ODAD3: variants seen among roughly 807,000 people sequenced by gnomAD.
The protein encoded by ODAD3 is outer dynein arm docking complex subunit 3.
A neutral mutation model predicts 70.9 loss-of-function variants in ODAD3; 57 were observed. The ratio of observed to expected loss-of-function variants is 0.80; its 90% CI spans 0.65 to 1.00. ODAD3 has a LOEUF of 1.00. ODAD3 is among the 50% of genes least tolerant of loss of function. The probability of loss-of-function intolerance (pLI) is 0.00; values close to 1 mark genes in which losing one functional copy is unlikely to be tolerated. For synonymous variants in ODAD3, 327 were observed against 315.9 expected, an observed-to-expected ratio of 1.04 and a Z score of -0.37; for missense variants, 797 against 763.9, an observed-to-expected ratio of 1.04 and a Z score of -0.51.
chr19:11,430,443 G>GTTT, intron 3 of ODAD3: 6 of 449,558 alleles, frequency 1.3e-5, no homozygotes, highest in Admixed American at 7.6e-5. Context: ...TGGCTGTGAT[G>GTTT]TTTTTTTTTT....
In ODAD3 at chr19:11,430,701, G is replaced by C. The variant is rs200075873; in HGVS notation, c.442C>G (p.Gln148Glu). ...AGGTGGGGCGAGGGTGGGCAAACCT[G>C]TCCTGTCCTGTTCTTCAGGTATGGC... Reference protein sequence around the residue: ...EKPYLKNRTGQALEHLDHRLR... With the variant: ...EKPYLKNRTGEALEHLDHRLR... Residue 148 changes from glutamine to glutamate, a missense_variant and splice_region_variant, in exon 3 of 13, where the codon CAG (glutamine) becomes GAG (glutamate). Coordinates refer to ENST00000356392, the MANE Select transcript of ODAD3 (RefSeq NM_145045.5). 1.9e-6 allele frequency: 3 copies of C among 1,614,060 alleles called. No individual in the cohort carries two copies. In the African/African-American group the frequency reaches 4.0e-5, roughly 22 times the overall value.
chr19:11,430,206 C>G lies in ODAD3; in HGVS notation c.444+493G>C, dbSNP rs185523444. Reference sequence around the variant, plus strand: ...AGGCTGGAGTGTAATGGCACAATCTCGGCTCACTGCAACCTCTGCCTCCCG... The same window carrying G: ...AGGCTGGAGTGTAATGGCACAATCTGGGCTCACTGCAACCTCTGCCTCCCG... On this transcript the variant is annotated intron_variant, in intron 3 of 12. Coordinates refer to ENST00000356392, the MANE Select transcript of ODAD3 (RefSeq NM_145045.5). Among the ~76,000 whole-genome samples, 15 of 152,116 alleles carry G rather than the reference C, an allele frequency of 9.9e-5. No individual in the cohort carries two copies. The South Asian group carries it at 3.1e-3, about 32-fold the overall frequency.
In ODAD3 at chr19:11,426,706, G is replaced by A. The variant is rs562244401; in HGVS notation, c.691C>T (p.Leu231=). Residue 231 remains leucine, a synonymous_variant, in exon 5 of 13, where the codon CTG becomes TTG. Coordinates refer to ENST00000356392, the MANE Select transcript of ODAD3 (RefSeq NM_145045.5). ...ACCATTAGATAGGCCTTGAGCTGCA[G>A]GTACACGCTGGTAATGTGCTCGGCC... ...QEAEHITSVY[L]QLKAYLMDES... 3 of 1,613,886 alleles carry A rather than the reference G, an allele frequency of 1.9e-6. No homozygotes were observed. Among genetic ancestry groups the A allele is most frequent in the South Asian group, 2.2e-5 (2 of 91,054 alleles).
At chr19:11,435,318 C>T (rs191719282), upstream of ODAD3, 6 of 714,250 alleles carry the variant, frequency 8.4e-6, no homozygotes, top group African/African-American at 5.4e-5. Flanking sequence ...AGGGTCTGGA[C>T]ACTTTGGGGT....
chr19:11,430,912 A>G lies in ODAD3; in HGVS notation c.353T>C (p.Leu118Pro). 2 of 1,614,052 alleles carry G rather than the reference A, an allele frequency of 1.2e-6. No homozygotes were observed. The highest frequency in any genetic ancestry group is 1.7e-6 in the Non-Finnish European group (2 of 1,180,000). Residue 118 changes from leucine (L) to proline (P), a missense_variant, in exon 2 of 13, where the codon CTG becomes CCG. Leu to Pro is a moderately conservative substitution (Grantham distance 98). Transcript: ENST00000356392. ...TTTGCCCCTTACCTTGAGCAGGTCC[A>G]GCAGCTTTAGTTCCAGTGCCTTAGT... ...KETKALELKL[L>P]DLLKGDEKVV...
chr19:11,421,788 A>G lies in ODAD3; in HGVS notation c.1479T>C (p.Asp493=), dbSNP rs754336978. The part of the protein sequence containing the change: ...FAGKELDPQA[D]NYVPNLLGLV... ...GGCCCAGCAGGTTTGGCACATAGTT[A>G]TCTGCCTGGGGATCCAGCTCCTTTC... Residue 493 remains aspartate, a synonymous_variant, in exon 11 of 13, where the codon GAT becomes GAC. Transcript: ENST00000356392. 6.2e-7 allele frequency: 1 copy of G among 1,613,258 alleles called. No homozygotes were observed. Among genetic ancestry groups the G allele is most frequent in the Non-Finnish European group, 8.5e-7 (1 of 1,179,952 alleles).
rs755774292 is a variant in ODAD3, at chr19:11,426,878, C to G, written c.607G>C (p.Ala203Pro). 6.2e-5 allele frequency: 99 copies of G among 1,609,196 alleles called. No homozygotes were observed. The highest frequency in any genetic ancestry group is 2.2e-4 in the Admixed American group (13 of 59,848). Residue 203 changes from alanine to proline, a missense_variant, in exon 4 of 13, where the codon GCC becomes CCC. By Grantham distance (27) the Ala-to-Pro change is conservative. Coordinates refer to ENST00000356392, the MANE Select transcript of ODAD3 (RefSeq NM_145045.5). ...AEAQNRHTEVAKTMRNLENRL... is the reference protein window; with the variant it reads ...AEAQNRHTEVPKTMRNLENRL... Reference sequence around the variant, plus strand: ...CAGGCCTCACCCGCCCCTACCTTGGCCACCTCCGTGTGTCTGTTTTGCGCC... The same window carrying G: ...CAGGCCTCACCCGCCCCTACCTTGGGCACCTCCGTGTGTCTGTTTTGCGCC...
At chr19:11,428,763 G>A (rs770977670) in intron 3 of ODAD3, among the ~76,000 whole-genome samples, 6 of 151,992 alleles carry the variant, frequency 3.9e-5, no homozygotes, top group Non-Finnish European at 7.4e-5. Context: ...TTGGCAGGCT[G>A]GTCTCAAACT....
rs753473149 is a variant in ODAD3, at chr19:11,422,584, CCTT to C, written c.1318_1320del (p.Lys440del). ...TTGGCCTCGGCGTGCCGCCGCTCCT[CCTT>C]CTTGAGACGCTCCTGCGCCTCGGCT... On this transcript the variant is annotated inframe_deletion, in exon 10 of 13. Transcript: ENST00000356392. This position sits in a 1 kb window ranked among gnomAD's most constrained non-coding sequence, Gnocchi z 4.6. 21 of 1,594,914 alleles carry C rather than the reference CCTT, an allele frequency of 1.3e-5. No homozygotes were observed. The highest frequency in any genetic ancestry group is 1.6e-5 in the Non-Finnish European group (19 of 1,173,088).
intron 8 of ODAD3, among the ~76,000 whole-genome samples, chr19:11,423,398 G>T (rs757724012): frequency 1.3e-5 from 2 of 152,094 alleles, no homozygotes; most frequent in African/African-American, 4.8e-5. Flanking sequence ...GTTCACCGGC[G>T]GGAACCAGGA....
chr19:11,424,969 A>ATGTATATATGTGTATATGTACATATG, intron 7 of ODAD3, among the ~76,000 whole-genome samples: 1 of 127,626 alleles, frequency 7.8e-6, no homozygotes, highest in African/African-American at 3.6e-5. Flanking sequence ...ATGTGTATAT[A>ATGTATATATGTGTATATGTACATATG]TGTATATATG....
rs1969113997 is a variant in ODAD3, at chr19:11,420,858, G to A, written c.1765C>T (p.His589Tyr). The A allele has an allele frequency of 2.5e-6, 4 of 1,613,910 alleles. No homozygotes were observed. In the African/African-American group the frequency reaches 4.0e-5, roughly 16 times the overall value. The change falls in exon 13 of 13, where the codon CAC becomes TAC. Residue 589 changes from histidine (H) to tyrosine (Y), a missense_variant. Physicochemically the swap from His to Tyr is moderately conservative, Grantham distance 83. Coordinates refer to ENST00000356392, the MANE Select transcript of ODAD3 (RefSeq NM_145045.5). ...GTCTAGGACCTCCGAGAGCGACGGT[G>A]CTTCTTGTGACTTTCGATTAATTTC... Reference protein sequence around the residue: ...SQKLIESHKKHRRSRRS With the variant: ...SQKLIESHKKYRRSRRS
chr19:11,422,417 G>A lies in ODAD3; in HGVS notation c.1434+54C>T. ...GTGGCAGGAACCCCGCTTCGTGGCT[G>A]CGCCTCTGCGGTCCCAGGAGGGCCT... is the stretch of plus-strand genomic sequence containing the variant. On this transcript the variant is annotated intron_variant, in intron 10 of 12. Coordinates refer to ENST00000356392, the MANE Select transcript of ODAD3 (RefSeq NM_145045.5). The surrounding 1 kb of genome is among the most constrained non-coding windows in gnomAD (Gnocchi z 4.6). 2 of 1,471,636 alleles carry A rather than the reference G, an allele frequency of 1.4e-6. No homozygotes were observed. Among genetic ancestry groups the A allele is most frequent in the Non-Finnish European group, 1.8e-6 (2 of 1,107,494 alleles). The allele number at this position is 1,471,636 out of a possible 1,614,324, so 91.2% of individuals were successfully genotyped here.
intron 7 of ODAD3, among the ~76,000 whole-genome samples, chr19:11,424,976 T>TGTAC (rs1459916663): frequency 5.3e-5 from 7 of 131,688 alleles, no homozygotes; most frequent in Non-Finnish European, 4.7e-5. Flanking sequence ...TATATGTATA[T>TGTAC]ATGTGTATAT....
At chr19:11,425,547 G>GTA in intron 7 of ODAD3, among the ~76,000 whole-genome samples, 1 of 119,736 alleles carries the variant, frequency 8.4e-6, no homozygotes, top group South Asian at 2.3e-4. Context: ...GTGTATGTAT[G>GTA]TATATATGTA....
rs747018917 is a variant in ODAD3, at chr19:11,421,816, G to A, written c.1451C>T (p.Ala484Val). The change falls in exon 11 of 13, where the codon GCG becomes GTG. Residue 484 changes from alanine to valine, a missense_variant. By Grantham distance (64) the Ala-to-Val change is moderately conservative (BLOSUM62 0). Coordinates refer to ENST00000356392, the MANE Select transcript of ODAD3 (RefSeq NM_145045.5). ...IHITVEDGRF[A>V]GKELDPQADN... The stretch of plus-strand genomic sequence containing the variant: ...TGCCTGGGGATCCAGCTCCTTTCCC[G>A]CGAAGCGGCCGTCCTCCTGCGGCCA... The A allele has an allele frequency of 6.2e-7, 1 of 1,612,716 alleles. No homozygotes were observed. The highest frequency in any genetic ancestry group is 1.1e-5 in the South Asian group (1 of 91,064).
At chr19:11,425,660 T>TACATGC (rs1969351051) in intron 7 of ODAD3, among the ~76,000 whole-genome samples, 1 of 131,950 alleles carries the variant, frequency 7.6e-6, no homozygotes, top group African/African-American at 3.8e-5. Flanking sequence ...CGTATATATA[T>TACATGC]ATATATATAT....
rs902715455 is a variant in ODAD3 at position 11,425,363 on chromosome 19, A to G, written c.963+781T>C. Among the ~76,000 whole-genome samples the G allele has an allele frequency of 2.9e-5, 3 of 102,958 alleles. No individual in the cohort carries two copies. The East Asian group carries it at 8.0e-4, about 27-fold the overall frequency. The allele number at this position is 102,958 out of a possible 152,430, so 67.5% of individuals were successfully genotyped here. On this transcript the variant is annotated intron_variant, in intron 7 of 12. Coordinates refer to ENST00000356392, the MANE Select transcript of ODAD3 (RefSeq NM_145045.5). Reference sequence around the variant, plus strand: ...TATATGTATATATGTGTATATGTACATATGTGTATATATGTGTGTATGTAC... The same window carrying G: ...TATATGTATATATGTGTATATGTACGTATGTGTATATATGTGTGTATGTAC...
Position 11,420,684 on chromosome 19 carries a change from C to T in ODAD3, c.*151G>A. On this transcript the variant is annotated 3_prime_UTR_variant, in exon 13 of 13. Transcript: ENST00000356392. Reference sequence around the variant, plus strand: ...GAGATTTACTGTGGGAACGTCTGGCCCGGCCCCTTCCTCCCCTCCGGGCGC... The same window carrying T: ...GAGATTTACTGTGGGAACGTCTGGCTCGGCCCCTTCCTCCCCTCCGGGCGC... 2 of 636,706 alleles carry T rather than the reference C, an allele frequency of 3.1e-6. No homozygotes were observed. The highest frequency in any genetic ancestry group is 3.7e-5 in the South Asian group (2 of 54,148). 39.4% of individuals were successfully genotyped at this position (636,706 alleles called of 1,614,324 possible). A position where few individuals can be genotyped will look rare whatever the true frequency, so the allele number is the denominator to read the frequency against.
Sources: gnomAD v4.1 joint callset for allele counts (sites outside exome capture counted in the v4.1 genomes callset) on GRCh38, gnomAD v4.1.1 for gene constraint, Gnocchi (gnomAD v3.1) non-coding constraint, MANE v1.5 for transcripts, NCBI Gene and HGNC (gene_info 2026-07-23, HGNC 2026-07-21) for gene names.